Variants in TENM2 observed in about 807,000 individuals in gnomAD.
TENM2 encodes the protein teneurin-2.
TENM2 carries 52 observed loss-of-function variants against 245.2 expected under a neutral mutation model. The observed-to-expected ratio is 0.21, with a 90% CI of 0.17 to 0.27. The LOEUF (loss-of-function observed/expected upper bound fraction) is 0.27, where lower values mean the gene tolerates loss of function less well. Ranked by LOEUF, TENM2 falls within the 10% of genes least tolerant of loss-of-function variation. The pLI is 1.00. For synonymous variants in TENM2, 1,363 were observed against 1,438.9 expected, an observed-to-expected ratio of 0.95 and a Z score of 1.19; for missense variants, 3,046 against 3,666.8, an observed-to-expected ratio of 0.83 and a Z score of 4.37.
chr5:167,338,261 C>G (rs554959660), intron 1 of TENM2, among the ~76,000 whole-genome samples: 2 of 152,236 alleles, frequency 1.3e-5, no homozygotes, highest in South Asian at 4.2e-4. Context: ...TGTTTGCTTC[C>G]TATATTTATT....
At chr5:167,954,621 C>T (rs1018689132) in intron 4 of TENM2, among the ~76,000 whole-genome samples, 1 of 152,164 alleles carries the variant, frequency 6.6e-6, no homozygotes, top group Non-Finnish European at 1.5e-5. Flanking sequence ...CCCCTAGGCC[C>T]CTGCCCCCTC....
At chr5:168,246,673 G>A in intron 26 of TENM2, 84 bp from the exon 29 acceptor site, 1 of 1,332,708 alleles carries the variant, frequency 7.5e-7, no homozygotes, top group Non-Finnish European at 1.0e-6. Flanking sequence ...TTGACATTTG[G>A]GGAAATGGAC....
chr5:167,597,187 C>G lies in TENM2; in HGVS notation c.502+221714C>G, dbSNP rs936531006. Among the ~76,000 whole-genome samples, 17 of 100,158 alleles carry G rather than the reference C, an allele frequency of 1.7e-4. No homozygotes were observed. In the South Asian group the frequency reaches 4.8e-3, roughly 28 times the overall value. The allele number at this position is 100,158 out of a possible 152,430, so 65.7% of individuals were successfully genotyped here. A position where few individuals can be genotyped will look rare whatever the true frequency, so the allele number is the denominator to read the frequency against. On this transcript the variant is annotated intron_variant, in intron 2 of 28. Transcript: ENST00000518659. ...TTTCTTTTTTTTTTTTTTTTTGAGA[C>G]AAAGTTTTTCTCAGTTGCCCAGGCT...
At chr5:168,016,627 G>T (rs1458190489) in intron 5 of TENM2, among the ~76,000 whole-genome samples, 2 of 152,100 alleles carry the variant, frequency 1.3e-5, no homozygotes, top group Non-Finnish European at 2.9e-5. Flanking sequence ...ACTGCCTCTT[G>T]GCCTTGACCT....
intron 2 of TENM2, among the ~76,000 whole-genome samples, chr5:167,381,911 A>G (rs1234786167): frequency 6.6e-6 from 1 of 152,172 alleles, no homozygotes; most frequent in Non-Finnish European, 1.5e-5. Flanking sequence ...AGGCATTTAG[A>G]TTTAAATGCT....
intron 2 of TENM2, among the ~76,000 whole-genome samples, chr5:167,600,950 C>T (rs1456360614): frequency 1.3e-5 from 2 of 152,138 alleles, no homozygotes; most frequent in African/African-American, 2.4e-5. Flanking sequence ...TATTTGGCAT[C>T]GCCATTTGAC....
chr5:167,444,193 A>G (rs1444939510), intron 2 of TENM2, among the ~76,000 whole-genome samples: 1 of 152,090 alleles, frequency 6.6e-6, no homozygotes, highest in African/African-American at 2.4e-5. Flanking sequence ...CAAAGTCTTG[A>G]GAAACACAAT....
At chr5:167,608,859 A>AG (rs1777247502) in intron 2 of TENM2, among the ~76,000 whole-genome samples, 1 of 152,190 alleles carries the variant, frequency 6.6e-6, no homozygotes, top group Non-Finnish European at 1.5e-5. Context: ...TTCTCTTGGA[A>AG]GGGGAAACAG....
At chr5:167,014,140 CT>C in the TENM2 span, among the ~76,000 whole-genome samples, 79 of 128,634 alleles carry the variant, frequency 6.1e-4, 4 homozygotes, top group African/African-American at 1.7e-3. Context: ...AAAACCAATT[CT>C]TTTTTTTTTT....
chr5:167,337,441 C>T (rs1757847030), intron 1 of TENM2, among the ~76,000 whole-genome samples: 1 of 151,956 alleles, frequency 6.6e-6, no homozygotes, highest in African/African-American at 2.4e-5. Context: ...ATGTTTTCAG[C>T]CAACTTAAAA....
At chr5:167,822,924 A>G (rs1472709290) in intron 2 of TENM2, among the ~76,000 whole-genome samples, 3 of 152,218 alleles carry the variant, frequency 2.0e-5, no homozygotes, top group Non-Finnish European at 2.9e-5. Flanking sequence ...CGTTGGAACC[A>G]TTTGTTAGGT....
intron 1 of TENM2, chr5:167,303,004 T>C (rs1581699377): frequency 6.6e-6 from 1 of 151,870 alleles, no homozygotes; most frequent in South Asian, 2.1e-4. Context: ...TACCAGAAAA[T>C]GAAAGGAATT....
At chr5:166,997,612 A>G in the TENM2 span, among the ~76,000 whole-genome samples, 3 of 152,204 alleles carry the variant, frequency 2.0e-5, no homozygotes, top group Non-Finnish European at 4.4e-5. Context: ...TGAATGTGGC[A>G]GAAAGAAGAA....
At chr5:167,767,645 T>A (rs1419196985) in intron 2 of TENM2, among the ~76,000 whole-genome samples, 1 of 152,234 alleles carries the variant, frequency 6.6e-6, no homozygotes, top group Non-Finnish European at 1.5e-5. Context: ...GAGAAGAGGC[T>A]ACTGCTGTAG....
Position 167,492,453 on chromosome 5 carries a change from C to T in TENM2, c.502+116980C>T, listed in dbSNP as rs147263744. ...CGATGGGCTGAGTACAGACTTTCCACGAAGAATCAATGGATGTTAGCATTC... is the reference window on the plus strand; with the variant it reads ...CGATGGGCTGAGTACAGACTTTCCATGAAGAATCAATGGATGTTAGCATTC... On this transcript the variant is annotated intron_variant, in intron 2 of 28. Transcript: ENST00000518659. 5.0e-3 allele frequency among the ~76,000 whole-genome samples: 766 copies of T among 152,022 alleles called. 6 individuals carry two copies. Among genetic ancestry groups the T allele is most frequent in the African/African-American group, 0.018 (738 of 41,478 alleles).
chr5:167,274,691 G>A, the TENM2 span, among the ~76,000 whole-genome samples: 2 of 150,378 alleles, frequency 1.3e-5, no homozygotes, highest in Non-Finnish European at 3.0e-5. Flanking sequence ...TAAAAAAAAA[G>A]TAGCTATTAT....
chr5:167,308,262 G>A (rs547840446), intron 1 of TENM2, among the ~76,000 whole-genome samples: 4 of 152,164 alleles, frequency 2.6e-5, no homozygotes, highest in South Asian at 2.1e-4. Context: ...TCCTGATCAC[G>A]GTGAGCCATG....
intron 1 of TENM2, among the ~76,000 whole-genome samples, chr5:167,314,495 A>G (rs1756234543): frequency 6.6e-6 from 1 of 152,212 alleles, no homozygotes; most frequent in Non-Finnish European, 1.5e-5. Context: ...ATAGGGCATT[A>G]AAGAGAATTA....
chr5:167,456,049 T>C (rs1765903035), intron 2 of TENM2, among the ~76,000 whole-genome samples: 1 of 152,192 alleles, frequency 6.6e-6, no homozygotes, highest in Non-Finnish European at 1.5e-5. Flanking sequence ...AGAGGGACTA[T>C]CATGCTCTAA....
Sources: gnomAD v4.1 joint callset for allele counts (sites outside exome capture counted in the v4.1 genomes callset) on GRCh38, gnomAD v4.1.1 for gene constraint, MANE v1.5 for transcripts, NCBI Gene and HGNC (gene_info 2026-07-23, HGNC 2026-07-21) for gene names.